AVIL: variants seen among roughly 807,000 people sequenced by gnomAD.
AVIL encodes the protein advillin.
In AVIL, 78 loss-of-function variants were observed where a neutral mutation model predicts 109.9. The observed-to-expected ratio is 0.71, with a 90% CI of 0.59 to 0.86. The LOEUF (loss-of-function observed/expected upper bound fraction) is 0.86, where lower values mean the gene tolerates loss of function less well. Ranked by LOEUF, AVIL falls within the 40% of genes least tolerant of loss-of-function variation. The pLI, the probability that AVIL is intolerant of heterozygous loss-of-function variation, is 0.00. For synonymous variants in AVIL, 367 were observed against 379.1 expected, an observed-to-expected ratio of 0.97 and a Z score of 0.37; for missense variants, 892 against 1,016.5, an observed-to-expected ratio of 0.88 and a Z score of 1.67.
Position 57,810,566 on chromosome 12 carries a change from C to A in AVIL, c.559-15G>T. 1 of 1,612,316 alleles carries A rather than the reference C, an allele frequency of 6.2e-7. No homozygotes were observed. The highest frequency in any genetic ancestry group is 8.5e-7 in the Non-Finnish European group (1 of 1,179,826). ...AGAAGCATAGCCTGTCAAAGAAGCC[C>A]AAGGAAGCCCTCAGCTCCTCTGGGA... On this transcript the variant is annotated splice_polypyrimidine_tract_variant and intron_variant, in intron 6 of 19. Transcript: ENST00000549994.
At chr12:57,803,018 A>C (rs780420148) in intron 16 of AVIL, among the ~76,000 whole-genome samples, 2 of 152,210 alleles carry the variant, frequency 1.3e-5, no homozygotes, top group Non-Finnish European at 2.9e-5. Context: ...GGATTTTTCC[A>C]AAGCAAGGTG....
Position 57,797,591 on chromosome 12 carries a change from TG to T in AVIL, c.*290del. The T allele has an allele frequency of 1.1e-6, 1 of 930,006 alleles. No homozygotes were observed. The highest frequency in any genetic ancestry group is 1.3e-6 in the Non-Finnish European group (1 of 773,252). The allele number at this position is 930,006 out of a possible 1,614,324, so 57.6% of individuals were successfully genotyped here. A position where few individuals can be genotyped will look rare whatever the true frequency, so the allele number is the denominator to read the frequency against. The stretch of plus-strand genomic sequence containing the variant: ...ATTAAACATTTTAAGCATTGTTTTT[TG>T]GTTCTCTTTCTTTTGATTTCTCCAG... On this transcript the variant is annotated 3_prime_UTR_variant, in exon 20 of 20. Coordinates refer to ENST00000549994, the MANE Select transcript of AVIL (RefSeq NM_006576.4).
intron 9 of AVIL, 165 bp from the exon 10 acceptor site, chr12:57,808,713 TAAAA>T: frequency 1.5e-6 from 1 of 671,698 alleles, no homozygotes; most frequent in Non-Finnish European, 2.3e-6. Flanking sequence ...GGTACCTGCC[TAAAA>T]AAAAAATGAC....
In AVIL at chr12:57,814,298, T is replaced by C. The variant is rs1956075060; in HGVS notation, c.67-72A>G. 6 of 1,449,826 alleles carry C rather than the reference T, an allele frequency of 4.1e-6. No homozygotes were observed. In the South Asian group the frequency reaches 7.3e-5, roughly 18 times the overall value. 89.8% of individuals were successfully genotyped at this position (1,449,826 alleles called of 1,614,324 possible). A position where few individuals can be genotyped will look rare whatever the true frequency, so the allele number is the denominator to read the frequency against. Reference sequence around the variant, plus strand: ...CTTCCCCATGAGCCTCCCTCTCCTCTCTGTCATTCGGTGCAGGTGGTGGGG... The same window carrying C: ...CTTCCCCATGAGCCTCCCTCTCCTCCCTGTCATTCGGTGCAGGTGGTGGGG... On this transcript the variant is annotated intron_variant, in intron 2 of 19. Transcript: ENST00000549994.
rs553609609 is a variant in AVIL at position 57,815,738 on chromosome 12, C to G, written c.66+237G>C. On this transcript the variant is annotated intron_variant, in intron 2 of 19. Transcript: ENST00000549994. ...AGCAGGTGGCTGGCTAAAGGACAAGCCTGTTTTTGTCTGGAGCCCTGTTCT... is the reference window on the plus strand; with the variant it reads ...AGCAGGTGGCTGGCTAAAGGACAAGGCTGTTTTTGTCTGGAGCCCTGTTCT... The G allele has an allele frequency of 2.8e-6, 4 of 1,423,414 alleles. No individual in the cohort carries two copies. The African/African-American group carries it at 4.3e-5, about 15-fold the overall frequency. 88.2% of individuals were successfully genotyped at this position (1,423,414 alleles called of 1,614,324 possible).
intron 13 of AVIL, 52 bp downstream of exon 13, chr12:57,807,279 G>A: frequency 1.9e-6 from 3 of 1,611,246 alleles, no homozygotes; most frequent in Non-Finnish European, 2.5e-6. Flanking sequence ...GTGCTGGTTT[G>A]TTAGTTTGGA....
chr12:57,818,038 A>G (rs993228545), intron 1 of AVIL, among the ~76,000 whole-genome samples: 3 of 151,998 alleles, frequency 2.0e-5, no homozygotes, highest in African/African-American at 7.2e-5. Flanking sequence ...GTTGTTTTTG[A>G]GACAGGGTCT....
chr12:57,802,270 T>C lies in AVIL; in HGVS notation c.2041A>G (p.Thr681Ala). 6.2e-7 allele frequency: 1 copy of C among 1,613,960 alleles called. No homozygotes were observed. Among genetic ancestry groups the C allele is most frequent in the Non-Finnish European group, 8.5e-7 (1 of 1,179,934 alleles). ...ALATAQQYLH[T>A]HPSGRDPDTP... ...TCGGGATCTCGGCCGCTGGGGTGAG[T>C]GTGCAGGTACTGCTGTGCTGTGGCA... The change falls in exon 17 of 20, where the codon ACT becomes GCT. Residue 681 changes from threonine to alanine, a missense_variant. By Grantham distance (58) the Thr-to-Ala change is moderately conservative (BLOSUM62 0). Coordinates refer to ENST00000549994, the MANE Select transcript of AVIL (RefSeq NM_006576.4).
At chr12:57,808,361 T>A (rs1288501259) in intron 10 of AVIL, 34 bp downstream of exon 10, 1 of 1,614,010 alleles carries the variant, frequency 6.2e-7, no homozygotes, top group East Asian at 2.2e-5. Flanking sequence ...TCTAGAGTCT[T>A]AGCAATGAGA....
intron 14 of AVIL, chr12:57,806,136 T>TTC: frequency 3.7e-6 from 1 of 268,800 alleles, no homozygotes; most frequent in South Asian, 4.3e-5. Flanking sequence ...TGCCCAGCTT[T>TTC]TTTTTTTTTT....
At chr12:57,813,460 C>T in intron 3 of AVIL, 37 bp from the exon 4 acceptor site, 1 of 1,586,004 alleles carries the variant, frequency 6.3e-7, no homozygotes, top group Non-Finnish European at 8.6e-7. Context: ...CAGAGGCCAG[C>T]TCACCTCCCC....
chr12:57,814,103 A>T, intron 3 of AVIL, 49 bp downstream of exon 3: 1 of 1,593,744 alleles, frequency 6.3e-7, no homozygotes, highest in Non-Finnish European at 8.6e-7. Context: ...ACAGCCCAAG[A>T]ACTGGCCCCA....
intron 11 of AVIL, 135 bp downstream of exon 11, chr12:57,808,059 T>C: frequency 9.4e-7 from 1 of 1,058,302 alleles, no homozygotes; most frequent in Non-Finnish European, 1.5e-6. Context: ...CACAAGACTC[T>C]TAAAGAAGAC....
chr12:57,808,382 G>T lies in AVIL; in HGVS notation c.1093+13C>A. On this transcript the variant is annotated intron_variant, in intron 10 of 19. Coordinates refer to ENST00000549994, the MANE Select transcript of AVIL (RefSeq NM_006576.4). ...GTCTTAGCAATGAGAGGATGATCTG[G>T]GGGCAGTCTCACCAATTTTACCAAT... The T allele has an allele frequency of 6.2e-7, 1 of 1,614,112 alleles. No individual in the cohort carries two copies. The highest frequency in any genetic ancestry group is 8.5e-7 in the Non-Finnish European group (1 of 1,179,984).
Position 57,818,229 on chromosome 12 carries a change from C to T in AVIL, c.-20+400G>A, listed in dbSNP as rs4760330. Among the ~76,000 whole-genome samples the T allele has an allele frequency of 4.2e-3, 466 of 111,912 alleles. 11 individuals carry two copies. The South Asian group carries it at 0.081, about 19-fold the overall frequency. The allele number at this position is 111,912 out of a possible 152,430, so 73.4% of individuals were successfully genotyped here. A position where few individuals can be genotyped will look rare whatever the true frequency, so the allele number is the denominator to read the frequency against. On this transcript the variant is annotated intron_variant, in intron 1 of 19. Transcript: ENST00000549994. The stretch of plus-strand genomic sequence containing the variant: ...TTTTTTTTTTGTAGAGACAGGGTCT[C>T]ACTATGTTGCCCAGGATGGTCACAA...
At position 57,808,454 on chromosome 12, in the gene AVIL, T is replaced by G. The variant is rs1294003425; in HGVS notation, c.1034A>C (p.Lys345Thr). The G allele has an allele frequency of 6.2e-7, 1 of 1,614,204 alleles. No individual in the cohort carries two copies. Among genetic ancestry groups the G allele is most frequent in the Non-Finnish European group, 8.5e-7 (1 of 1,180,022 alleles). Residue 345 changes from lysine (K) to threonine (T), a missense_variant, in exon 10 of 20, where the codon AAG becomes ACG. Coordinates refer to ENST00000549994, the MANE Select transcript of AVIL (RefSeq NM_006576.4). ...CATGGTCTGGTCCTTTACTGACCACTTCTGGAACAGCTGCTTGAACATGGC... is the reference window on the plus strand; with the variant it reads ...CATGGTCTGGTCCTTTACTGACCACGTCTGGAACAGCTGCTTGAACATGGC... ...ESAMFKQLFQ[K>T]WSVKDQTMGL...
chr12:57,800,101 T>C (rs969336743), intron 18 of AVIL, 181 bp from the exon 19 acceptor site: 5 of 838,190 alleles, frequency 6.0e-6, no homozygotes, highest in South Asian at 2.0e-5. Context: ...ATAGAAAATA[T>C]TCAGATTTTG....
At chr12:57,802,035 G>A in intron 17 of AVIL, 125 bp downstream of exon 17, 2 of 1,095,838 alleles carry the variant, frequency 1.8e-6, no homozygotes, top group Non-Finnish European at 2.6e-6. Context: ...CAGGGAGTGG[G>A]ATGGGAGTAG....
At chr12:57,814,386 C>T (rs1472267096) in intron 2 of AVIL, 160 bp from the exon 3 acceptor site, 18 of 667,070 alleles carry the variant, frequency 2.7e-5, no homozygotes, top group South Asian at 1.8e-4. Context: ...ACAGGGTTAA[C>T]GTGGCCATCC....
Sources: gnomAD v4.1 joint callset for allele counts (sites outside exome capture counted in the v4.1 genomes callset) on GRCh38, gnomAD v4.1.1 for gene constraint, MANE v1.5 for transcripts, NCBI Gene and HGNC (gene_info 2026-07-23, HGNC 2026-07-21) for gene names.